NFIA: variants seen among roughly 807,000 people sequenced by gnomAD.
NFIA encodes nuclear factor I A, also known as nuclear factor 1 A-type.
NFIA carries 8 observed loss-of-function variants against 62.8 expected under a neutral mutation model. The ratio of observed to expected loss-of-function variants is 0.13; its 90% CI spans 0.07 to 0.23. The LOEUF (loss-of-function observed/expected upper bound fraction) is 0.23. Among genes scored for constraint, NFIA ranks in the 10% least tolerant of loss-of-function variants. The probability of loss-of-function intolerance (pLI) is 1.00; values close to 1 mark genes in which losing one functional copy is unlikely to be tolerated. For missense variants in NFIA, 410 were observed against 642.1 expected, an observed-to-expected ratio of 0.64 and a Z score of 3.91; for synonymous variants, 235 against 238.1, an observed-to-expected ratio of 0.99 and a Z score of 0.12.
At chr1:61,094,737 A>G (rs1025324997) in intron 2 of NFIA, among the ~76,000 whole-genome samples, 5 of 152,306 alleles carry the variant, frequency 3.3e-5, no homozygotes, top group South Asian at 2.1e-4. Context: ...TGCTGCTTAG[A>G]CAGAAATGAC....
chr1:61,126,045 G>C (rs1646961440), intron 2 of NFIA, among the ~76,000 whole-genome samples: 1 of 152,066 alleles, frequency 6.6e-6, no homozygotes, highest in Non-Finnish European at 1.5e-5. Context: ...TATGAGTGCA[G>C]GTTTTATAAC....
Position 61,088,045 on chromosome 1 carries a change from T to A in NFIA, c.28-104T>A. ...GGTAACAGAATGCTCTAATCAAATT[T>A]CAAGTGAAATGAGGAATTTCTTTCT... On this transcript the variant is annotated intron_variant, in intron 1 of 10. Transcript: ENST00000403491. The surrounding 1 kb of genome is among the most constrained non-coding windows in gnomAD (Gnocchi z 4.5). 8.3e-7 allele frequency: 1 copy of A among 1,206,298 alleles called. No individual in the cohort carries two copies. Among genetic ancestry groups the A allele is most frequent in the Non-Finnish European group, 1.2e-6 (1 of 865,982 alleles). 74.7% of individuals were successfully genotyped at this position (1,206,298 alleles called of 1,614,324 possible).
intron 2 of NFIA, among the ~76,000 whole-genome samples, chr1:61,102,524 GT>G (rs2100438619): frequency 6.6e-6 from 1 of 151,688 alleles, no homozygotes; most frequent in African/African-American, 2.4e-5. Context: ...TTATTTTTTG[GT>G]AATCTTGAAT....
At chr1:61,279,412 A>G (rs79795799) in intron 3 of NFIA, among the ~76,000 whole-genome samples, 18 of 151,818 alleles carry the variant, frequency 1.2e-4, no homozygotes, top group African/African-American at 1.9e-4. Flanking sequence ...AAAAAAAAAA[A>G]AGAGAGAACT....
intron 1 of NFIA, among the ~76,000 whole-genome samples, chr1:61,085,013 G>A (rs909258946): frequency 4.6e-5 from 7 of 151,918 alleles, no homozygotes; most frequent in Non-Finnish European, 2.9e-5. Context: ...TATTTTATGG[G>A]TTCTGCTTTT....
chr1:61,182,997 T>C (rs1008827769), intron 2 of NFIA, among the ~76,000 whole-genome samples: 1 of 152,202 alleles, frequency 6.6e-6, no homozygotes. Flanking sequence ...AAGACCTGTT[T>C]TCATTTACTT....
intron 2 of NFIA, among the ~76,000 whole-genome samples, chr1:61,218,234 A>G (rs1653769688): frequency 6.6e-6 from 1 of 152,222 alleles, no homozygotes; most frequent in Admixed American, 6.5e-5. Context: ...TGCATCTCTG[A>G]ATATGTTACA....
At chr1:61,371,314 A>G (rs1663874128) in intron 6 of NFIA, among the ~76,000 whole-genome samples, 1 of 152,120 alleles carries the variant, frequency 6.6e-6, no homozygotes, top group Non-Finnish European at 1.5e-5. Flanking sequence ...CCTGCTTCTA[A>G]TTTTAAGAGT....
At chr1:61,245,377 TCAAAGTC>T (rs1655576662) in intron 2 of NFIA, among the ~76,000 whole-genome samples, 1 of 152,142 alleles carries the variant, frequency 6.6e-6, no homozygotes, top group Non-Finnish European at 1.5e-5. Flanking sequence ...TTTTCAAAGT[TCAAAGTC>T]CTAACTATAG....
At chr1:61,322,487 G>C (rs1234614021) in intron 3 of NFIA, among the ~76,000 whole-genome samples, 1 of 152,120 alleles carries the variant, frequency 6.6e-6, no homozygotes, top group Non-Finnish European at 1.5e-5. Flanking sequence ...TGCCTGCATG[G>C]TAGAAAGTGT....
intron 10 of NFIA, among the ~76,000 whole-genome samples, chr1:61,441,868 A>G (rs1385702951): frequency 6.6e-6 from 1 of 151,968 alleles, no homozygotes; most frequent in Non-Finnish European, 1.5e-5. Context: ...CTGAAGATGT[A>G]CCAAACTCCC....
chr1:61,120,518 T>G (rs1010142737), intron 2 of NFIA, among the ~76,000 whole-genome samples: 11 of 152,200 alleles, frequency 7.2e-5, no homozygotes, highest in Admixed American at 2.6e-4. Context: ...TTATTTCATG[T>G]CTGCCGTGAC....
In NFIA at chr1:61,457,142, A is replaced by T. The variant is rs1437046816; in HGVS notation, c.*1822A>T. The T allele has an allele frequency of 6.6e-6, 1 of 152,212 alleles. No homozygotes were observed. Among genetic ancestry groups the T allele is most frequent in the Non-Finnish European group, 1.5e-5 (1 of 68,036 alleles). 9.4% of individuals were successfully genotyped at this position (152,212 alleles called of 1,614,324 possible). A position where few individuals can be genotyped will look rare whatever the true frequency, so the allele number is the denominator to read the frequency against. ...GAAGGGTTCTACTACTGTCCTATAC[A>T]ATCAAGTAACTGAAATTCTTGGGAA... is the stretch of plus-strand genomic sequence containing the variant. On this transcript the variant is annotated 3_prime_UTR_variant, in exon 11 of 11. Transcript: ENST00000403491. This position sits in a 1 kb window ranked among gnomAD's most constrained non-coding sequence, Gnocchi z 4.2.
intron 2 of NFIA, among the ~76,000 whole-genome samples, chr1:61,276,999 A>G (rs1255090182): frequency 6.6e-6 from 1 of 152,208 alleles, no homozygotes; most frequent in African/African-American, 2.4e-5. Context: ...GTGATGGAAT[A>G]TTAGGACTCT....
intron 3 of NFIA, among the ~76,000 whole-genome samples, chr1:61,302,510 G>GATAC (rs1326675623): frequency 6.6e-6 from 1 of 152,118 alleles, no homozygotes; most frequent in African/African-American, 2.4e-5. Flanking sequence ...TTAGACTAAT[G>GATAC]ATACAAGAGA....
chr1:61,249,402 GTTTT>G (rs1655866957), intron 2 of NFIA, among the ~76,000 whole-genome samples: 1 of 152,160 alleles, frequency 6.6e-6, no homozygotes, highest in Admixed American at 6.5e-5. Flanking sequence ...CAGCCAACAC[GTTTT>G]TTAAGTGTCT....
chr1:61,116,229 A>G (rs1646791382), intron 2 of NFIA, among the ~76,000 whole-genome samples: 1 of 152,216 alleles, frequency 6.6e-6, no homozygotes, highest in African/African-American at 2.4e-5. Flanking sequence ...AATTTGAGGA[A>G]GCCCTTGTAT....
intron 5 of NFIA, 66 bp from the exon 6 acceptor site, chr1:61,359,081 A>T: frequency 6.3e-7 from 1 of 1,583,158 alleles, no homozygotes; most frequent in Non-Finnish European, 8.6e-7. Context: ...TTTCAACCAG[A>T]GGTGCAGTGT....
intron 7 of NFIA, among the ~76,000 whole-genome samples, chr1:61,389,959 G>A (rs1427526383): frequency 1.3e-5 from 2 of 152,102 alleles, no homozygotes; most frequent in Non-Finnish European, 2.9e-5. Flanking sequence ...ATATTTATCA[G>A]GCTCTTACAG....
Sources: allele counts gnomAD v4.1 joint callset (sites outside exome capture counted in the v4.1 genomes callset), GRCh38; gene constraint gnomAD v4.1.1; non-coding constraint Gnocchi (gnomAD v3.1); transcripts MANE v1.5; gene names NCBI Gene and HGNC (gene_info 2026-07-23, HGNC 2026-07-21).